The following PDE3B variants were observed in gnomAD, a reference collection of about 807,000 sequenced individuals.
PDE3B encodes cGMP-inhibited 3',5'-cyclic phosphodiesterase 3B.
In PDE3B, 66 loss-of-function variants were observed where a neutral mutation model predicts 116.8. The ratio of observed to expected loss-of-function variants is 0.56; its 90% CI spans 0.46 to 0.69. The LOEUF is 0.69. PDE3B is among the 30% of genes least tolerant of loss of function. The probability of loss-of-function intolerance (pLI) is 0.00; values close to 1 mark genes in which losing one functional copy is unlikely to be tolerated. For synonymous variants in PDE3B, 595 were observed against 533.6 expected, an observed-to-expected ratio of 1.12 and a Z score of -1.59; for missense variants, 1,384 against 1,368.1, an observed-to-expected ratio of 1.01 and a Z score of -0.18.
At chr11:14,736,075 TTC>T (rs1456209201) in intron 1 of PDE3B, among the ~76,000 whole-genome samples, 1 of 151,996 alleles carries the variant, frequency 6.6e-6, no homozygotes, top group Non-Finnish European at 1.5e-5. Context: ...ACCTGTGCTC[TTC>T]TCTCTTGCAA....
At chr11:14,766,236 G>A (rs977828716) in intron 1 of PDE3B, among the ~76,000 whole-genome samples, 7 of 151,456 alleles carry the variant, frequency 4.6e-5, no homozygotes, top group African/African-American at 1.2e-4. Context: ...ATTGTATATC[G>A]TCATATTCTT....
intron 1 of PDE3B, among the ~76,000 whole-genome samples, chr11:14,656,680 T>G (rs1265945951): frequency 1.3e-5 from 2 of 152,188 alleles, no homozygotes; most frequent in Non-Finnish European, 2.9e-5. Flanking sequence ...AGATGTGATA[T>G]GAAATGTTGT....
chr11:14,806,300 C>T (rs1412931281), intron 5 of PDE3B, among the ~76,000 whole-genome samples: 7 of 145,186 alleles, frequency 4.8e-5, no homozygotes, highest in South Asian at 2.2e-4. Flanking sequence ...AAAAAAAAAT[C>T]AGCTGGGCGT....
chr11:14,860,054 G>A (rs1175233556), intron 13 of PDE3B, among the ~76,000 whole-genome samples: 1 of 152,166 alleles, frequency 6.6e-6, no homozygotes, highest in Non-Finnish European at 1.5e-5. Context: ...GCTGGAAGGA[G>A]ACCCTTATAT....
At chr11:14,816,758 C>T (rs898634174) in intron 5 of PDE3B, among the ~76,000 whole-genome samples, 2 of 152,220 alleles carry the variant, frequency 1.3e-5, no homozygotes, top group East Asian at 3.8e-4. Context: ...AGCGATCTGA[C>T]ATTGCATTAA....
At chr11:14,661,300 A>C (rs1853898009) in intron 1 of PDE3B, among the ~76,000 whole-genome samples, 1 of 152,218 alleles carries the variant, frequency 6.6e-6, no homozygotes, top group African/African-American at 2.4e-5. Context: ...CTGGATTAAG[A>C]AAATGTGGCG....
At chr11:14,778,873 G>A (rs956326982) in intron 2 of PDE3B, among the ~76,000 whole-genome samples, 7 of 152,060 alleles carry the variant, frequency 4.6e-5, no homozygotes, top group African/African-American at 1.7e-4. Flanking sequence ...ACAAACTTCT[G>A]TGAGCTGAAG....
chr11:14,657,148 T>G (rs1469324808), intron 1 of PDE3B, among the ~76,000 whole-genome samples: 1 of 152,180 alleles, frequency 6.6e-6, no homozygotes, highest in African/African-American at 2.4e-5. Context: ...TCCCATAAGC[T>G]TTTTGTTCCA....
At chr11:14,691,558 T>C (rs1039145120) in intron 1 of PDE3B, among the ~76,000 whole-genome samples, 1 of 152,210 alleles carries the variant, frequency 6.6e-6, no homozygotes, top group Non-Finnish European at 1.5e-5. Context: ...ATATTTATTA[T>C]TATTTTTTCC....
At chr11:14,798,831 T>TA (rs1184594600) in intron 4 of PDE3B, among the ~76,000 whole-genome samples, 11 of 152,324 alleles carry the variant, frequency 7.2e-5, no homozygotes, top group Middle Eastern at 3.4e-3. Context: ...TATTCTTCCT[T>TA]ATTAGCCTGG....
chr11:14,697,175 G>A (rs1855230837), intron 1 of PDE3B, among the ~76,000 whole-genome samples: 1 of 152,024 alleles, frequency 6.6e-6, no homozygotes, highest in South Asian at 2.1e-4. Context: ...TGGGCTCAAA[G>A]GATCCTCCCG....
intron 5 of PDE3B, among the ~76,000 whole-genome samples, chr11:14,810,707 G>A (rs1222586205): frequency 7.1e-6 from 1 of 141,102 alleles, no homozygotes; most frequent in South Asian, 2.5e-4. Context: ...TGGGTCAAAT[G>A]GTATTTCTAG....
At chr11:14,744,673 C>T (rs910182850) in intron 1 of PDE3B, among the ~76,000 whole-genome samples, 22 of 152,302 alleles carry the variant, frequency 1.4e-4, no homozygotes, top group Middle Eastern at 6.8e-3. Context: ...TAGTTCTAAG[C>T]ATCCTGAAAG....
At position 14,644,997 on chromosome 11, in the gene PDE3B, T is replaced by C. The variant is rs1308058060; in HGVS notation, c.922T>C (p.Tyr308His). The stretch of plus-strand genomic sequence containing the variant: ...GTTAGGAGAAACTGCAGCCAGTTAC[T>C]ATGGCAGTTGCAAAATATTCAGGAG... ...VSLGETAASYYGSCKIFRRPS... is the reference protein window; with the variant it reads ...VSLGETAASYHGSCKIFRRPS... Residue 308 changes from tyrosine (Y) to histidine (H), a missense_variant, in exon 1 of 16, where the codon TAT becomes CAT. Around this residue, in one of 2 missense-constraint regions of PDE3B, gnomAD observed 956 missense variants for 806.8 expected, o/e 1.18. Transcript: ENST00000282096. The C allele has an allele frequency of 1.9e-6, 3 of 1,613,614 alleles. No individual in the cohort carries two copies. Among genetic ancestry groups the C allele is most frequent in the Non-Finnish European group, 1.7e-6 (2 of 1,179,918 alleles).
chr11:14,725,275 T>C (rs1037285219), intron 1 of PDE3B, among the ~76,000 whole-genome samples: 1 of 150,910 alleles, frequency 6.6e-6, no homozygotes, highest in East Asian at 1.9e-4. Flanking sequence ...TTCTCTTTCT[T>C]TTTCTTTCTT....
chr11:14,884,164 T>C, the PDE3B span, among the ~76,000 whole-genome samples: 1 of 151,546 alleles, frequency 6.6e-6, no homozygotes, highest in Non-Finnish European at 1.5e-5. Context: ...CATTTGACCC[T>C]GCCATCCCAT....
At chr11:14,898,592 C>CTATATTTTACATATATATTCCACATAT in the PDE3B span, among the ~76,000 whole-genome samples, 5 of 152,110 alleles carry the variant, frequency 3.3e-5, no homozygotes, top group African/African-American at 1.2e-4. Context: ...ATTTTACATA[C>CTATATTTTACATATATATTCCACATAT]GGATGTGGAA....
intron 1 of PDE3B, among the ~76,000 whole-genome samples, chr11:14,714,130 G>T (rs1855795818): frequency 6.6e-6 from 1 of 152,102 alleles, no homozygotes; most frequent in South Asian, 2.1e-4. Context: ...TGCTTTCTCA[G>T]CATTCTGGTT....
chr11:14,783,590 C>T (rs373802837), intron 2 of PDE3B, among the ~76,000 whole-genome samples: 26 of 152,054 alleles, frequency 1.7e-4, no homozygotes, highest in Admixed American at 1.4e-3. Flanking sequence ...AGGGGAACAT[C>T]ACACACCGGG....
Sources: allele counts gnomAD v4.1 joint callset (sites outside exome capture counted in the v4.1 genomes callset), GRCh38; gene constraint gnomAD v4.1.1; regional missense constraint gnomAD v4.1.1; transcripts MANE v1.5; gene names NCBI Gene and HGNC (gene_info 2026-07-23, HGNC 2026-07-21).